CERS3: variants seen among roughly 807,000 people sequenced by gnomAD.
CERS3 encodes LAG1 homolog, ceramide synthase 3.
A neutral mutation model predicts 50.3 loss-of-function variants in CERS3; 33 were observed. That is an observed-to-expected ratio of 0.66 (90% confidence interval 0.50 to 0.88). The LOEUF is 0.88. Among genes scored for constraint, CERS3 ranks in the 40% least tolerant of loss-of-function variants. The pLI is 0.00. For synonymous variants in CERS3, 176 were observed against 155.2 expected (o/e 1.13, Z -0.99); for missense variants, 470 against 460.3 (o/e 1.02, Z -0.19).
rs1433640516 is a variant in CERS3, at chr15:100,401,194, CT to C, written c.*1518del. ...TCCTGTGGCTTTCTAGTACGAGCCC[CT>C]GAATAAATAGGATGAACATACAAAA... On this transcript the variant is annotated 3_prime_UTR_variant, in exon 12 of 12. Coordinates refer to ENST00000679737, the MANE Select transcript of CERS3 (RefSeq NM_001378789.1). 4 of 152,194 alleles carry C rather than the reference CT, an allele frequency of 2.6e-5. No homozygotes were observed. 9.4% of individuals were successfully genotyped at this position (152,194 alleles called of 1,614,324 possible).
At chr15:100,410,847 C>T (rs1156273588) in intron 11 of CERS3, among the ~76,000 whole-genome samples, 3 of 152,194 alleles carry the variant, frequency 2.0e-5, no homozygotes, top group African/African-American at 7.2e-5. Flanking sequence ...TGTTAACCAT[C>T]TTTAAGTGTG....
chr15:100,420,835 A>G lies in CERS3; in HGVS notation c.1000-17970T>C, dbSNP rs199850467. Among the ~76,000 whole-genome samples, 21 of 152,240 alleles carry G rather than the reference A, an allele frequency of 1.4e-4. No individual in the cohort carries two copies. In the East Asian group the frequency reaches 3.9e-3, roughly 28 times the overall value. On this transcript the variant is annotated intron_variant, in intron 11 of 11. Transcript: ENST00000679737. Reference sequence around the variant, plus strand: ...AAACAGAACCAGAGACAAAAACCACATGATTGTCTCAATAGATGCAGAAAA... The same window carrying G: ...AAACAGAACCAGAGACAAAAACCACGTGATTGTCTCAATAGATGCAGAAAA...
At chr15:100,501,574 T>C in intron 3 of CERS3, 103 bp downstream of exon 3, 5 of 1,027,846 alleles carry the variant, frequency 4.9e-6, no homozygotes, top group Non-Finnish European at 7.2e-6. Flanking sequence ...TGGCAACCTC[T>C]GAACAACAGA....
intron 2 of CERS3, among the ~76,000 whole-genome samples, chr15:100,519,209 G>T (rs2036576400): frequency 6.6e-6 from 1 of 151,776 alleles, no homozygotes; most frequent in African/African-American, 2.4e-5. Context: ...GTGCTACTGT[G>T]AATCACACGT....
At chr15:100,483,296 T>A (rs554134630) in intron 5 of CERS3, among the ~76,000 whole-genome samples, 3 of 152,314 alleles carry the variant, frequency 2.0e-5, no homozygotes, top group African/African-American at 7.2e-5. Flanking sequence ...ATGTTGTGGT[T>A]TCGTGTGTGA....
intron 11 of CERS3, among the ~76,000 whole-genome samples, chr15:100,405,249 CAAA>C (rs945329307): frequency 2.3e-4 from 9 of 39,162 alleles, no homozygotes; most frequent in Admixed American, 7.1e-4. Context: ...AAAAAAAAAA[CAAA>C]AAAAAACCCC....
chr15:100,502,311 T>A (rs2036037082), intron 2 of CERS3, among the ~76,000 whole-genome samples: 1 of 147,858 alleles, frequency 6.8e-6, no homozygotes, highest in Admixed American at 6.7e-5. Flanking sequence ...AATGGAATAC[T>A]ATTATTTAAT....
chr15:100,404,626 C>T (rs2030843549), intron 11 of CERS3, among the ~76,000 whole-genome samples: 1 of 152,118 alleles, frequency 6.6e-6, no homozygotes, highest in Non-Finnish European at 1.5e-5. Context: ...CAATGTAATT[C>T]TAAAATTTAT....
chr15:100,512,566 TG>T (rs1052700707), intron 2 of CERS3, among the ~76,000 whole-genome samples: 4 of 152,172 alleles, frequency 2.6e-5, no homozygotes, highest in Non-Finnish European at 1.5e-5. Flanking sequence ...TGTCAGCCTG[TG>T]GGGAGCCTCT....
intron 5 of CERS3, among the ~76,000 whole-genome samples, chr15:100,483,959 T>C (rs144052003): frequency 0.014 from 2,182 of 151,200 alleles, 51 homozygotes; most frequent in African/African-American, 0.05. Context: ...TTTTTGTATT[T>C]TTAGTAGAGA....
intron 2 of CERS3, 142 bp from the exon 3 acceptor site, chr15:100,501,992 A>G: frequency 1.3e-6 from 1 of 756,594 alleles, no homozygotes; most frequent in Non-Finnish European, 2.1e-6. Context: ...CACACCTGCA[A>G]TATCAGCACT....
intron 1 of CERS3, among the ~76,000 whole-genome samples, chr15:100,526,964 A>G (rs1300499256): frequency 2.6e-5 from 4 of 152,192 alleles, no homozygotes; most frequent in Non-Finnish European, 5.9e-5. Context: ...GGATGTTATA[A>G]TAATTATTTT....
At chr15:100,448,411 T>G (rs2034024187) in intron 11 of CERS3, among the ~76,000 whole-genome samples, 1 of 152,174 alleles carries the variant, frequency 6.6e-6, no homozygotes, top group Non-Finnish European at 1.5e-5. Context: ...AAAGGGTAAG[T>G]AAGAGATCTC....
chr15:100,527,154 A>C (rs2036818904), intron 1 of CERS3, among the ~76,000 whole-genome samples: 1 of 152,026 alleles, frequency 6.6e-6, no homozygotes. Flanking sequence ...AAAATTAGCT[A>C]GGTGTGGTGT....
chr15:100,414,810 C>A lies in CERS3; in HGVS notation c.1000-11945G>T, dbSNP rs367605379. Among the ~76,000 whole-genome samples, 645 of 103,202 alleles carry A rather than the reference C, an allele frequency of 6.2e-3. 5 individuals are homozygous for A. The highest frequency in any genetic ancestry group is 0.022 in the African/African-American group (587 of 26,696). The allele number at this position is 103,202 out of a possible 152,430, so 67.7% of individuals were successfully genotyped here. A position where few individuals can be genotyped will look rare whatever the true frequency, so the allele number is the denominator to read the frequency against. ...GGATTGAAGCCTTAAATGTAAAACC[C>A]AAAATGATTAAAAAAAAAAAACCCT... On this transcript the variant is annotated intron_variant, in intron 11 of 11. Coordinates refer to ENST00000679737, the MANE Select transcript of CERS3 (RefSeq NM_001378789.1).
At chr15:100,417,879 TAGA>T (rs2032079757) in intron 11 of CERS3, among the ~76,000 whole-genome samples, 1 of 151,872 alleles carries the variant, frequency 6.6e-6, no homozygotes, top group Admixed American at 6.6e-5. Context: ...TCCTCTCTGT[TAGA>T]AGGAAAACTA....
chr15:100,429,090 A>G (rs1180130535), intron 11 of CERS3, among the ~76,000 whole-genome samples: 3 of 152,260 alleles, frequency 2.0e-5, no homozygotes, highest in Non-Finnish European at 4.4e-5. Context: ...AATGAATTTC[A>G]CAGGTCATGG....
intron 11 of CERS3, among the ~76,000 whole-genome samples, chr15:100,417,090 G>A (rs923484160): frequency 5.9e-5 from 9 of 152,304 alleles, no homozygotes; most frequent in African/African-American, 9.6e-5. Context: ...CAAGATGTCC[G>A]AATAGGAACA....
At chr15:100,543,734 T>C (rs2037261785) in intron 1 of CERS3, among the ~76,000 whole-genome samples, 1 of 152,124 alleles carries the variant, frequency 6.6e-6, no homozygotes, top group South Asian at 2.1e-4. Flanking sequence ...TTCACCATGT[T>C]GGCCAGGCTA....
Sources: allele counts gnomAD v4.1 joint callset (sites outside exome capture counted in the v4.1 genomes callset), GRCh38; gene constraint gnomAD v4.1.1; transcripts MANE v1.5; gene names NCBI Gene and HGNC (gene_info 2026-07-23, HGNC 2026-07-21).